The following SYNE3 variants were observed in gnomAD, a reference collection of about 807,000 sequenced individuals.
SYNE3 encodes nesprin-3.
A neutral mutation model predicts 111.2 loss-of-function variants in SYNE3; 100 were observed. That is an observed-to-expected ratio of 0.90 (90% CI 0.77 to 1.06). The LOEUF is 1.06. Ranked by LOEUF, SYNE3 falls within the 50% of genes least tolerant of loss-of-function variation. The pLI, the probability that SYNE3 is intolerant of heterozygous loss-of-function variation, is 0.00. For synonymous variants in SYNE3, 547 were observed against 533.9 expected, an observed-to-expected ratio of 1.02 and a Z score of -0.34; for missense variants, 1,160 against 1,240.3, an observed-to-expected ratio of 0.94 and a Z score of 0.97.
chr14:95,444,730 C>G, intron 9 of SYNE3, 102 bp from the exon 10 acceptor site: 1 of 1,407,170 alleles, frequency 7.1e-7, no homozygotes, highest in Non-Finnish European at 9.4e-7. Flanking sequence ...TCTCGGCCAG[C>G]TCATGCTCAT....
intron 2 of SYNE3, among the ~76,000 whole-genome samples, chr14:95,469,554 A>AAAG (rs1566674770): frequency 7.1e-6 from 1 of 141,104 alleles, no homozygotes; most frequent in African/African-American, 2.6e-5. Context: ...AAAAAAAAAA[A>AAAG]TTAAAAATTA....
chr14:95,442,352 T>C (rs1764376638), intron 11 of SYNE3, among the ~76,000 whole-genome samples: 1 of 152,202 alleles, frequency 6.6e-6, no homozygotes, highest in Non-Finnish European at 1.5e-5. Context: ...GATTTCTCTT[T>C]TCTATTTCCT....
chr14:95,487,423 C>A (rs538140352), intron 1 of SYNE3, among the ~76,000 whole-genome samples: 1 of 152,140 alleles, frequency 6.6e-6, no homozygotes, highest in Non-Finnish European at 1.5e-5. Context: ...ACTTCCACCG[C>A]GATGCCGTGT....
At chr14:95,425,433 G>A (rs1885378343) in intron 17 of SYNE3, among the ~76,000 whole-genome samples, 2 of 152,170 alleles carry the variant, frequency 1.3e-5, no homozygotes, top group Admixed American at 1.3e-4. Flanking sequence ...TGGTTGCCAG[G>A]GCCTGGGGAG....
intron 1 of SYNE3, among the ~76,000 whole-genome samples, chr14:95,480,936 G>A (rs1452706531): frequency 1.3e-5 from 2 of 152,224 alleles, no homozygotes; most frequent in African/African-American, 4.8e-5. Context: ...TAGCGGGGCT[G>A]CCTCTCAGCT....
intron 1 of SYNE3, among the ~76,000 whole-genome samples, chr14:95,508,443 C>G (rs761068982): frequency 6.6e-6 from 1 of 152,142 alleles, no homozygotes; most frequent in Non-Finnish European, 1.5e-5. Flanking sequence ...GATAACAATC[C>G]CTGGCCTTAT....
At chr14:95,493,698 G>A (rs1255451732) in intron 1 of SYNE3, among the ~76,000 whole-genome samples, 1 of 152,222 alleles carries the variant, frequency 6.6e-6, no homozygotes, top group African/African-American at 2.4e-5. Context: ...CATCGCTGTG[G>A]GAAGCCAGCC....
chr14:95,455,364 C>A lies in SYNE3; in HGVS notation c.1137+13G>T. 1 of 1,519,048 alleles carries A rather than the reference C, an allele frequency of 6.6e-7. No homozygotes were observed. The highest frequency in any genetic ancestry group is 8.8e-7 in the Non-Finnish European group (1 of 1,134,316). 94.1% of individuals were successfully genotyped at this position (1,519,048 alleles called of 1,614,324 possible). A position where few individuals can be genotyped will look rare whatever the true frequency, so the allele number is the denominator to read the frequency against. On this transcript the variant is annotated intron_variant, in intron 6 of 17. Coordinates refer to ENST00000682763, the MANE Select transcript of SYNE3 (RefSeq NM_152592.6). The stretch of plus-strand genomic sequence containing the variant: ...AGCACCCTGGGCTCCATGACTCGGC[C>A]AAGCACGCTTACCGAGTAGCGTCTC...
intron 1 of SYNE3, among the ~76,000 whole-genome samples, chr14:95,478,316 C>T (rs1889014763): frequency 6.6e-6 from 1 of 152,188 alleles, no homozygotes; most frequent in Non-Finnish European, 1.5e-5. Context: ...AAGAAGCTCT[C>T]AGAGGAGCTT....
chr14:95,480,384 A>G (rs1889161119), intron 1 of SYNE3, among the ~76,000 whole-genome samples: 1 of 148,818 alleles, frequency 6.7e-6, no homozygotes, highest in Admixed American at 6.6e-5. Flanking sequence ...ATGACAGCGG[A>G]AGAGAAGTGA....
intron 1 of SYNE3, among the ~76,000 whole-genome samples, chr14:95,488,697 G>A (rs1201848924): frequency 2.6e-5 from 1 of 38,240 alleles, no homozygotes; most frequent in Non-Finnish European, 5.0e-5. Flanking sequence ...GAAGGGGAAG[G>A]GAGGAGAGGA....
Position 95,409,114 on chromosome 14 carries a change from A to G in SYNE3, c.*8712T>C, listed in dbSNP as rs1337776449. ...GGCAGCAGCCCGCGGCCTGCAAAGG[A>G]AAGGAAAGCAACTGAGGCCCAGGGA... On this transcript the variant is annotated 3_prime_UTR_variant, in exon 18 of 18. Coordinates refer to ENST00000682763, the MANE Select transcript of SYNE3 (RefSeq NM_152592.6). The G allele has an allele frequency of 2.2e-6, 1 of 454,790 alleles. No individual in the cohort carries two copies. The highest frequency in any genetic ancestry group is 2.3e-5 in the Admixed American group (1 of 42,560). 28.2% of individuals were successfully genotyped at this position (454,790 alleles called of 1,614,324 possible).
intron 6 of SYNE3, among the ~76,000 whole-genome samples, chr14:95,452,586 G>A (rs1009888222): frequency 2.6e-5 from 4 of 152,182 alleles, no homozygotes; most frequent in Non-Finnish European, 5.9e-5. Context: ...AGCCTTTACT[G>A]TCTGGTGCTG....
In SYNE3 at chr14:95,470,658, C is replaced by T. The variant is rs189699615; in HGVS notation, c.145-2691G>A. On this transcript the variant is annotated intron_variant, in intron 2 of 17. Coordinates refer to ENST00000682763, the MANE Select transcript of SYNE3 (RefSeq NM_152592.6). The surrounding 1 kb of genome is among the most constrained non-coding windows in gnomAD (Gnocchi z 4.2). ...AGGGCAAGAACCTGTCACTAAAAAA[C>T]TAAAAATAAGAAAAAAAAGAGCCGG... is the stretch of plus-strand genomic sequence containing the variant. 7.2e-4 allele frequency among the ~76,000 whole-genome samples: 67 copies of T among 93,266 alleles called. 1 individual carries two copies. Among genetic ancestry groups the T allele is most frequent in the Middle Eastern group, 9.6e-3 (2 of 208 alleles). The allele number at this position is 93,266 out of a possible 152,430, so 61.2% of individuals were successfully genotyped here.
At chr14:95,494,880 A>G (rs1004142581) in intron 1 of SYNE3, among the ~76,000 whole-genome samples, 6 of 152,120 alleles carry the variant, frequency 3.9e-5, no homozygotes, top group Non-Finnish European at 8.8e-5. Flanking sequence ...TGGGAGGCTG[A>G]GGTGTGTGGA....
intron 5 of SYNE3, chr14:95,455,931 G>T: frequency 1.9e-6 from 1 of 524,638 alleles, no homozygotes. Context: ...TTCCCCATAA[G>T]TCTTTTTCAA....
chr14:95,466,633 G>C (rs1237572926), intron 3 of SYNE3, among the ~76,000 whole-genome samples: 1 of 152,164 alleles, frequency 6.6e-6, no homozygotes, highest in African/African-American at 2.4e-5. Context: ...TGGCACTGGG[G>C]CTCTAAACAC....
intron 1 of SYNE3, among the ~76,000 whole-genome samples, chr14:95,481,556 A>G (rs1389687614): frequency 6.6e-6 from 1 of 152,182 alleles, no homozygotes; most frequent in Non-Finnish European, 1.5e-5. Context: ...GCTGCAGGAG[A>G]CACCACCCAG....
chr14:95,474,258 T>C (rs1888738678), intron 2 of SYNE3, among the ~76,000 whole-genome samples: 1 of 152,260 alleles, frequency 6.6e-6, no homozygotes, highest in African/African-American at 2.4e-5. Context: ...TTGCTTTTCC[T>C]TTGGTGGACA....
Sources: gnomAD v4.1 joint callset for allele counts (sites outside exome capture counted in the v4.1 genomes callset) on GRCh38, gnomAD v4.1.1 for gene constraint, Gnocchi (gnomAD v3.1) non-coding constraint, MANE v1.5 for transcripts, NCBI Gene and HGNC (gene_info 2026-07-23, HGNC 2026-07-21) for gene names.